The following EYS variants were observed in gnomAD, a reference collection of about 807,000 sequenced individuals.
The protein encoded by EYS is EGF-like photoreceptor maintenance factor, also known as protein eyes shut homolog.
A neutral mutation model predicts 282.1 loss-of-function variants in EYS; 250 were observed. The observed-to-expected ratio is 0.89, with a 90% CI of 0.80 to 0.98. The LOEUF (loss-of-function observed/expected upper bound fraction) is 0.98, where lower values mean the gene tolerates loss of function less well. EYS is among the 50% of genes least tolerant of loss of function. The pLI is 0.00. For synonymous variants in EYS, 1,355 were observed against 1,282.9 expected, an observed-to-expected ratio of 1.06 and a Z score of -1.20; for missense variants, 4,016 against 3,709.0, an observed-to-expected ratio of 1.08 and a Z score of -2.15.
At chr6:64,331,566 C>T (rs914267245) in intron 29 of EYS, among the ~76,000 whole-genome samples, 1 of 148,466 alleles carries the variant, frequency 6.7e-6, no homozygotes, top group Non-Finnish European at 1.5e-5. Flanking sequence ...GGTGGAAGTT[C>T]TCAGATGGGA....
intron 35 of EYS, among the ~76,000 whole-genome samples, chr6:63,888,551 G>T (rs1773325815): frequency 6.6e-6 from 1 of 152,224 alleles, no homozygotes; most frequent in Non-Finnish European, 1.5e-5. Context: ...AGAGAGGTCA[G>T]ACTGGTAGAA....
intron 2 of EYS, among the ~76,000 whole-genome samples, chr6:65,623,047 C>G (rs146074021): frequency 2.2e-4 from 34 of 152,282 alleles, no homozygotes; most frequent in African/African-American, 7.7e-4. Flanking sequence ...CCTGGGCCTC[C>G]AAGCTTGGTG....
chr6:65,251,169 A>T (rs775321437), intron 12 of EYS, among the ~76,000 whole-genome samples: 8 of 151,238 alleles, frequency 5.3e-5, no homozygotes, highest in African/African-American at 1.7e-4. Context: ...AAGTGGAAAT[A>T]ATTAGGAATA....
rs928409137 is a variant in EYS at position 65,363,852 on chromosome 6, C to T, written c.1300-10235G>A. On this transcript the variant is annotated intron_variant, in intron 8 of 42. Transcript: ENST00000503581. ...ATACCTTATTATAATTTTTTAATAT[C>T]ATTTTTGTATAATCAAATTTTACCC... Among the ~76,000 whole-genome samples the T allele has an allele frequency of 2.6e-5, 4 of 151,754 alleles. No homozygotes were observed. In the South Asian group the frequency reaches 8.3e-4, roughly 32 times the overall value.
chr6:64,650,604 T>C (rs1768522853), intron 22 of EYS, among the ~76,000 whole-genome samples: 1 of 152,008 alleles, frequency 6.6e-6, no homozygotes, highest in Non-Finnish European at 1.5e-5. Context: ...ACAATATTGT[T>C]TTGAGGAAAG....
chr6:64,039,888 T>G (rs1770302976), intron 33 of EYS, among the ~76,000 whole-genome samples: 1 of 152,208 alleles, frequency 6.6e-6, no homozygotes, highest in Admixed American at 6.5e-5. Flanking sequence ...AATTTTGATG[T>G]GCAGAATTAA....
rs558776067 is a variant in EYS, at chr6:65,415,813, T to A, written c.863-10446A>T. Among the ~76,000 whole-genome samples, 91 of 152,086 alleles carry A rather than the reference T, an allele frequency of 6.0e-4. 1 individual carries two copies. The highest frequency in any genetic ancestry group is 2.2e-3 in the African/African-American group (91 of 41,542). On this transcript the variant is annotated intron_variant, in intron 5 of 42. Transcript: ENST00000503581. ...ACGTAATAAATGGTTGCTTAGCATA[T>A]TGAGAGAAAAAAATGCACACATTAG...
chr6:63,896,054 A>T (rs1240870443), intron 35 of EYS, among the ~76,000 whole-genome samples: 1 of 151,954 alleles, frequency 6.6e-6, no homozygotes, highest in African/African-American at 2.4e-5. Context: ...GGAATATGGT[A>T]TCTGTCTGTC....
At chr6:64,879,507 T>A (rs2150058935) in intron 19 of EYS, among the ~76,000 whole-genome samples, 1 of 152,204 alleles carries the variant, frequency 6.6e-6, no homozygotes, top group South Asian at 2.1e-4. Flanking sequence ...AAAAGCTTCA[T>A]AAATATTATT....
At chr6:63,825,290 C>G (rs1771430482) in intron 36 of EYS, among the ~76,000 whole-genome samples, 1 of 152,172 alleles carries the variant, frequency 6.6e-6, no homozygotes, top group Non-Finnish European at 1.5e-5. Context: ...CCTAGCCCTG[C>G]CCCCACCTGA....
intron 22 of EYS, among the ~76,000 whole-genome samples, chr6:64,717,224 T>C (rs79315594): frequency 0.047 from 7,139 of 152,276 alleles, 231 homozygotes; most frequent in East Asian, 0.18. Flanking sequence ...TGCCACCAGA[T>C]GTAGCTTGTC....
chr6:64,193,474 C>G (rs1175237132), intron 31 of EYS, among the ~76,000 whole-genome samples: 1 of 151,766 alleles, frequency 6.6e-6, no homozygotes, highest in Non-Finnish European at 1.5e-5. Context: ...CCATGCCCGG[C>G]TAATCTTTTT....
At chr6:65,515,441 G>A (rs1214020729) in intron 2 of EYS, among the ~76,000 whole-genome samples, 1 of 152,008 alleles carries the variant, frequency 6.6e-6, no homozygotes, top group Admixed American at 6.6e-5. Flanking sequence ...CCATTACTGG[G>A]TATATACCCA....
intron 2 of EYS, among the ~76,000 whole-genome samples, chr6:65,512,872 T>G (rs1402354781): frequency 6.6e-6 from 1 of 151,840 alleles, no homozygotes; most frequent in East Asian, 1.9e-4. Flanking sequence ...ACATCATAAT[T>G]AAAAGAACTA....
intron 26 of EYS, among the ~76,000 whole-genome samples, chr6:64,500,847 C>G (rs560850103): frequency 6.6e-6 from 1 of 152,032 alleles, no homozygotes; most frequent in African/African-American, 2.4e-5. Flanking sequence ...CTAAATTGAC[C>G]ATGGCAAGGT....
At chr6:65,558,695 G>A (rs952604606) in intron 2 of EYS, among the ~76,000 whole-genome samples, 3 of 152,146 alleles carry the variant, frequency 2.0e-5, no homozygotes, top group African/African-American at 7.2e-5. Flanking sequence ...ATAGCAAAAA[G>A]AAAAATGGGA....
At chr6:64,637,037 A>G (rs1768008000) in intron 22 of EYS, among the ~76,000 whole-genome samples, 1 of 111,438 alleles carries the variant, frequency 9.0e-6, no homozygotes, top group Non-Finnish European at 1.9e-5. Context: ...CAGTGTGGCG[A>G]TTCCTCAGGG....
At chr6:64,708,384 C>A (rs996477152) in intron 22 of EYS, among the ~76,000 whole-genome samples, 71 of 152,166 alleles carry the variant, frequency 4.7e-4, no homozygotes, top group Admixed American at 4.4e-3. Flanking sequence ...ATAATTCAGA[C>A]CCAAATCTTT....
chr6:65,340,426 C>T (rs1447556389), intron 10 of EYS, among the ~76,000 whole-genome samples: 2 of 151,024 alleles, frequency 1.3e-5, no homozygotes, highest in African/African-American at 2.4e-5. Context: ...CTAAAATAAA[C>T]CTAATTTCCC....
Sources: allele counts gnomAD v4.1 joint callset (sites outside exome capture counted in the v4.1 genomes callset), GRCh38; gene constraint gnomAD v4.1.1; transcripts MANE v1.5; gene names NCBI Gene and HGNC (gene_info 2026-07-23, HGNC 2026-07-21).